PLEKHM1: variants seen among roughly 807,000 people sequenced by gnomAD.
PLEKHM1 encodes pleckstrin homology domain-containing family M member 1.
In PLEKHM1, 28 loss-of-function variants were observed where a neutral mutation model predicts 94.3. The ratio of observed to expected loss-of-function variants is 0.30; its 90% CI spans 0.22 to 0.41. The LOEUF (loss-of-function observed/expected upper bound fraction) is 0.41, where lower values mean the gene tolerates loss of function less well. Ranked by LOEUF, PLEKHM1 falls within the 10% of genes least tolerant of loss-of-function variation. The probability of loss-of-function intolerance (pLI) is 1.00; values close to 1 mark genes in which losing one functional copy is unlikely to be tolerated. For missense variants in PLEKHM1, 907 were observed against 1,358.6 expected (o/e 0.67, Z 5.22); for synonymous variants, 424 against 581.2 (o/e 0.73, Z 3.89).
intron 6 of PLEKHM1, chr17:45,454,478 C>G (rs914751567): frequency 4.4e-5 from 28 of 640,548 alleles, no homozygotes; most frequent in African/African-American, 4.3e-4. Flanking sequence ...GCTCTTGCGT[C>G]CTGTATTTCA....
Position 45,437,277 on chromosome 17 carries a change from A to G in PLEKHM1, c.*581T>C. The G allele has an allele frequency of 2.2e-6, 1 of 454,062 alleles. No individual in the cohort carries two copies. Among genetic ancestry groups the G allele is most frequent in the Non-Finnish European group, 4.4e-6 (1 of 226,776 alleles). The allele number at this position is 454,062 out of a possible 1,614,324, so 28.1% of individuals were successfully genotyped here. On this transcript the variant is annotated 3_prime_UTR_variant, in exon 12 of 12. Coordinates refer to ENST00000430334, the MANE Select transcript of PLEKHM1 (RefSeq NM_014798.3). This position sits in a 1 kb window ranked among gnomAD's most constrained non-coding sequence, Gnocchi z 4.0. ...TTGGCACTGGCAGTGAGGGCCAAGG[A>G]AAGGCACTGGGTGGGCCCATAGACC...
At position 45,475,305 on chromosome 17, in the gene PLEKHM1, T is replaced by C; in HGVS notation, c.718A>G (p.Lys240Glu). Reference sequence around the variant, plus strand: ...GTCAGCTTCTGGTTCCTCCGTATCTTATGGCCCGAGTGATGGACTTCGATG... The same window carrying C: ...GTCAGCTTCTGGTTCCTCCGTATCTCATGGCCCGAGTGATGGACTTCGATG... ...EDIEVHHSGH[K>E]IRRNQKLTAS... Residue 240 changes from lysine (K) to glutamate (E), a missense_variant, in exon 4 of 12, where the codon AAG becomes GAG. By Grantham distance (56) the Lys-to-Glu change is moderately conservative. Around this residue, in one of 3 missense-constraint regions of PLEKHM1, gnomAD observed 176 missense variants for 306.0 expected, o/e 0.58. Transcript: ENST00000430334. 1.2e-6 allele frequency: 2 copies of C among 1,613,982 alleles called. No homozygotes were observed. Among genetic ancestry groups the C allele is most frequent in the East Asian group, 2.2e-5 (1 of 44,882 alleles).
At chr17:45,460,413 C>A (rs1232357583) in intron 5 of PLEKHM1, 2 of 152,124 alleles carry the variant, frequency 1.3e-5, no homozygotes, top group African/African-American at 4.8e-5. Flanking sequence ...ATGCTTGCCA[C>A]CATGCCCGGC....
intron 5 of PLEKHM1, among the ~76,000 whole-genome samples, chr17:45,462,494 G>A (rs1309585574): frequency 1.3e-5 from 2 of 151,958 alleles, no homozygotes; most frequent in Non-Finnish European, 2.9e-5. Context: ...CTCAGCTCAG[G>A]AGACATCCAT....
chr17:45,441,832 C>T lies in PLEKHM1; in HGVS notation c.2838-1606G>A, dbSNP rs544337945. 6.0e-4 allele frequency among the ~76,000 whole-genome samples: 91 copies of T among 152,270 alleles called. 1 individual carries two copies. In the Middle Eastern group the frequency reaches 0.014, roughly 23 times the overall value. ...GAGGAGAACCCTCTTTGTCCTCTGG[C>T]GTGAGGCTGGCTACCTGGGAAAGAG... On this transcript the variant is annotated intron_variant, in intron 9 of 11. Coordinates refer to ENST00000430334, the MANE Select transcript of PLEKHM1 (RefSeq NM_014798.3).
chr17:45,476,396 A>G (rs2051738010), intron 3 of PLEKHM1, among the ~76,000 whole-genome samples: 1 of 151,886 alleles, frequency 6.6e-6, no homozygotes, highest in Non-Finnish European at 1.5e-5. Flanking sequence ...TGATGGAAAA[A>G]GGCATAAAGT....
At chr17:45,454,546 C>T (rs1027451343) in intron 6 of PLEKHM1, 45 of 587,816 alleles carry the variant, frequency 7.7e-5, no homozygotes, top group Non-Finnish European at 1.2e-4. Context: ...CCTACACCCA[C>T]GCCTTCCCTC....
intron 3 of PLEKHM1, chr17:45,476,223 T>C (rs553035219): frequency 1.5e-3 from 227 of 148,800 alleles, no homozygotes; most frequent in African/African-American, 5.3e-3. Context: ...TATTTTGAGA[T>C]TGGAATTGTG....
At chr17:45,475,780 T>C (rs1182861979) in intron 3 of PLEKHM1, 54 bp from the exon 4 acceptor site, 14 of 1,535,656 alleles carry the variant, frequency 9.1e-6, no homozygotes, top group Non-Finnish European at 1.2e-5. Flanking sequence ...CACAGAGATG[T>C]GCTTTTATCC....
chr17:45,437,249 G>A lies in PLEKHM1; in HGVS notation c.*609C>T, dbSNP rs1454947127. 8 of 454,046 alleles carry A rather than the reference G, an allele frequency of 1.8e-5. No homozygotes were observed. Among genetic ancestry groups the A allele is most frequent in the East Asian group, 7.0e-5 (1 of 14,380 alleles). The allele number at this position is 454,046 out of a possible 1,614,324, so 28.1% of individuals were successfully genotyped here. On this transcript the variant is annotated 3_prime_UTR_variant, in exon 12 of 12. Transcript: ENST00000430334. This position sits in a 1 kb window ranked among gnomAD's most constrained non-coding sequence, Gnocchi z 4.0. ...GACTGGCCCTGCCCTGCTGAGGGGC[G>A]GTTTGGCACTGGCAGTGAGGGCCAA... is the stretch of plus-strand genomic sequence containing the variant.
At chr17:45,471,148 T>C (rs1003881735) in intron 4 of PLEKHM1, among the ~76,000 whole-genome samples, 6 of 151,996 alleles carry the variant, frequency 3.9e-5, no homozygotes, top group Admixed American at 3.3e-4. Flanking sequence ...TGAACAGACA[T>C]TTCTCCAAAG....
intron 7 of PLEKHM1, among the ~76,000 whole-genome samples, chr17:45,451,498 C>T (rs945018569): frequency 2.6e-5 from 4 of 152,166 alleles, no homozygotes; most frequent in Non-Finnish European, 5.9e-5. Flanking sequence ...GACCAGAGGG[C>T]GGGTTCTGCT....
Position 45,440,309 on chromosome 17 carries a change from G to A in PLEKHM1, c.2838-83C>T, listed in dbSNP as rs147797570. 516 of 1,375,878 alleles carry A rather than the reference G, an allele frequency of 3.8e-4. 2 individuals carry two copies. In the African/African-American group the frequency reaches 6.4e-3, roughly 17 times the overall value. The allele number at this position is 1,375,878 out of a possible 1,614,324, so 85.2% of individuals were successfully genotyped here. On this transcript the variant is annotated intron_variant, in intron 9 of 11. Transcript: ENST00000430334. ...TGTTGTTTGTTTACACTCCCCTGGC[G>A]CTGCTCACCAGGCAGACACCCCCCG...
At chr17:45,470,751 C>A (rs1177957885) in intron 4 of PLEKHM1, among the ~76,000 whole-genome samples, 1 of 151,084 alleles carries the variant, frequency 6.6e-6, no homozygotes, top group Non-Finnish European at 1.5e-5. Flanking sequence ...CTCCGCCTCC[C>A]GGGTTCATGC....
At chr17:45,465,565 C>G (rs1236820313) in intron 5 of PLEKHM1, among the ~76,000 whole-genome samples, 1 of 151,898 alleles carries the variant, frequency 6.6e-6, no homozygotes, top group African/African-American at 2.4e-5. Context: ...CAAAAATTAG[C>G]TGGGCATGGT....
chr17:45,474,511 G>A (rs1345790485), intron 4 of PLEKHM1, among the ~76,000 whole-genome samples: 1 of 152,096 alleles, frequency 6.6e-6, no homozygotes, highest in Admixed American at 6.5e-5. Flanking sequence ...TCCCCCAGGA[G>A]GTATTCTGTG....
intron 1 of PLEKHM1, among the ~76,000 whole-genome samples, chr17:45,486,084 G>A (rs1270401705): frequency 6.8e-6 from 1 of 146,154 alleles, no homozygotes; most frequent in Non-Finnish European, 1.5e-5. Context: ...GGGTGCAGTG[G>A]TGAGCGCCTG....
At chr17:45,471,204 C>T (rs1489897504) in intron 4 of PLEKHM1, among the ~76,000 whole-genome samples, 3 of 151,666 alleles carry the variant, frequency 2.0e-5, no homozygotes, top group Non-Finnish European at 4.4e-5. Context: ...CACTCAACAG[C>T]ATCAGTCATC....
chr17:45,443,896 G>C (rs984819766), intron 9 of PLEKHM1, among the ~76,000 whole-genome samples: 1 of 152,118 alleles, frequency 6.6e-6, no homozygotes, highest in Admixed American at 6.5e-5. Context: ...GCCTCCTGGG[G>C]TGAAGTCTTC....
Sources: allele counts gnomAD v4.1 joint callset (sites outside exome capture counted in the v4.1 genomes callset), GRCh38; gene constraint gnomAD v4.1.1; regional missense constraint gnomAD v4.1.1; non-coding constraint Gnocchi (gnomAD v3.1); transcripts MANE v1.5; gene names NCBI Gene and HGNC (gene_info 2026-07-23, HGNC 2026-07-21).